The following GRIP1 variants were observed in gnomAD, a reference collection of about 807,000 sequenced individuals.
The protein encoded by GRIP1 is glutamate receptor interacting protein 1.
GRIP1 carries 45 observed loss-of-function variants against 129.9 expected under a neutral mutation model. The ratio of observed to expected loss-of-function variants is 0.35; its 90% CI spans 0.27 to 0.44. The LOEUF is 0.44. Ranked by LOEUF, GRIP1 falls within the 20% of genes least tolerant of loss-of-function variation. The pLI is 1.00. For synonymous variants in GRIP1, 530 were observed against 520.8 expected, an observed-to-expected ratio of 1.02 and a Z score of -0.24; for missense variants, 1,196 against 1,396.8, an observed-to-expected ratio of 0.86 and a Z score of 2.29.
chr12:66,655,631 A>G (rs192541318), intron 1 of GRIP1, among the ~76,000 whole-genome samples: 1,890 of 127,660 alleles, frequency 0.015, 38 homozygotes, highest in African/African-American at 0.053. Context: ...TTTTTTTGAG[A>G]CAGAGTCTCG....
chr12:66,486,744 G>A (rs559100088), intron 7 of GRIP1, among the ~76,000 whole-genome samples: 7 of 152,114 alleles, frequency 4.6e-5, no homozygotes, highest in African/African-American at 1.7e-4. Flanking sequence ...TTCATCAGCA[G>A]TGTGAAAACA....
chr12:66,456,094 A>C, intron 10 of GRIP1, 93 bp downstream of exon 10: 1 of 746,500 alleles, frequency 1.3e-6, no homozygotes, highest in South Asian at 1.5e-5. Flanking sequence ...AAACAGAAAA[A>C]ACAACATCCA....
intron 1 of GRIP1, among the ~76,000 whole-genome samples, chr12:66,691,388 A>G (rs2034977480): frequency 6.6e-6 from 1 of 152,216 alleles, no homozygotes; most frequent in African/African-American, 2.4e-5. Flanking sequence ...TCTTCCATAA[A>G]GCAAAGGGAA....
At chr12:66,874,553 C>T (rs567403801) in intron 1 of GRIP1, among the ~76,000 whole-genome samples, 204 of 152,124 alleles carry the variant, frequency 1.3e-3, no homozygotes, top group African/African-American at 4.7e-3. Flanking sequence ...AGCATAGCAG[C>T]TTCTGCTTCT....
intron 1 of GRIP1, among the ~76,000 whole-genome samples, chr12:66,981,516 T>C (rs1378406291): frequency 1.3e-5 from 2 of 152,214 alleles, no homozygotes; most frequent in Non-Finnish European, 2.9e-5. Flanking sequence ...AGATAGATTA[T>C]TCAGTGTAAT....
chr12:66,882,753 T>C (rs1555248578), intron 1 of GRIP1, among the ~76,000 whole-genome samples: 1 of 152,238 alleles, frequency 6.6e-6, no homozygotes, highest in Non-Finnish European at 1.5e-5. Context: ...TTTCATATTT[T>C]GCTTTTCAGT....
intron 1 of GRIP1, among the ~76,000 whole-genome samples, chr12:67,017,312 C>T (rs868676745): frequency 6.7e-6 from 1 of 149,718 alleles, no homozygotes; most frequent in African/African-American, 2.5e-5. Context: ...CTCGGTGGCC[C>T]CTTTTACTCT....
chr12:66,411,816 A>G (rs2057413498), intron 15 of GRIP1, among the ~76,000 whole-genome samples: 1 of 152,258 alleles, frequency 6.6e-6, no homozygotes, highest in Non-Finnish European at 1.5e-5. Context: ...AAAACACAAC[A>G]TGATAACTTC....
intron 14 of GRIP1, among the ~76,000 whole-genome samples, chr12:66,431,716 C>T (rs959449921): frequency 6.6e-6 from 1 of 152,162 alleles, no homozygotes; most frequent in Non-Finnish European, 1.5e-5. Context: ...ACATTTGCTT[C>T]ATTTTCTTGG....
At chr12:66,709,403 T>C (rs1436240042) in intron 1 of GRIP1, among the ~76,000 whole-genome samples, 6 of 151,982 alleles carry the variant, frequency 3.9e-5, no homozygotes, top group Non-Finnish European at 7.4e-5. Context: ...GAATCCCTTA[T>C]CCATGGGTTC....
At chr12:66,967,373 T>C (rs1413133679) in intron 1 of GRIP1, among the ~76,000 whole-genome samples, 3 of 152,136 alleles carry the variant, frequency 2.0e-5, no homozygotes, top group African/African-American at 4.8e-5. Flanking sequence ...TACTATGCAA[T>C]AGAACATTAG....
intron 2 of GRIP1, among the ~76,000 whole-genome samples, chr12:66,550,080 T>TA (rs2062075240): frequency 6.6e-6 from 1 of 152,200 alleles, no homozygotes; most frequent in South Asian, 2.1e-4. Flanking sequence ...TCCCTGCTTT[T>TA]AAAATATGGC....
intron 1 of GRIP1, among the ~76,000 whole-genome samples, chr12:66,853,471 G>T (rs888608679): frequency 6.6e-6 from 1 of 151,404 alleles, no homozygotes; most frequent in African/African-American, 2.4e-5. Context: ...ATAATCAAAA[G>T]CTCAAGTATC....
intron 1 of GRIP1, among the ~76,000 whole-genome samples, chr12:66,930,986 T>C (rs899713887): frequency 6.6e-6 from 1 of 152,148 alleles, no homozygotes. Flanking sequence ...CTCTCCTAAC[T>C]CATCAAAGAG....
intron 1 of GRIP1, among the ~76,000 whole-genome samples, chr12:66,697,081 C>A (rs1238364444): frequency 6.6e-6 from 1 of 151,740 alleles, no homozygotes; most frequent in Non-Finnish European, 1.5e-5. Context: ...ATAGCAGGTG[C>A]TTTATAAACA....
rs571725100 is a variant in GRIP1 at position 66,422,138 on chromosome 12, C to A, written c.1769-1349G>T. 3.5e-4 allele frequency among the ~76,000 whole-genome samples: 53 copies of A among 152,168 alleles called. No individual in the cohort carries two copies. In the South Asian group the frequency reaches 7.1e-3, roughly 20 times the overall value. Reference sequence around the variant, plus strand: ...TAGAGCCATATCATATCCCATAATCCCATCTGAATCCCAGGAAAATGTTTA... The same window carrying A: ...TAGAGCCATATCATATCCCATAATCACATCTGAATCCCAGGAAAATGTTTA... On this transcript the variant is annotated intron_variant, in intron 14 of 24. Transcript: ENST00000359742.
At chr12:67,023,790 C>T (rs111812105) in intron 1 of GRIP1, among the ~76,000 whole-genome samples, 2,953 of 152,234 alleles carry the variant, frequency 0.019, 33 homozygotes, top group Non-Finnish European at 0.028. Flanking sequence ...CAGGCTCCAG[C>T]GGACCAGGAA....
chr12:66,689,513 AT>A (rs2034902529), intron 1 of GRIP1, among the ~76,000 whole-genome samples: 1 of 152,176 alleles, frequency 6.6e-6, no homozygotes, highest in South Asian at 2.1e-4. Flanking sequence ...CAGGAGAAAC[AT>A]TTTTACCTAG....
intron 1 of GRIP1, among the ~76,000 whole-genome samples, chr12:66,652,511 G>A (rs2032873081): frequency 6.6e-6 from 1 of 152,140 alleles, no homozygotes; most frequent in Admixed American, 6.5e-5. Context: ...ACTAATACAG[G>A]GAGAAAACAA....
Sources: gnomAD v4.1 joint callset for allele counts (sites outside exome capture counted in the v4.1 genomes callset) on GRCh38, gnomAD v4.1.1 for gene constraint, MANE v1.5 for transcripts, NCBI Gene and HGNC (gene_info 2026-07-23, HGNC 2026-07-21) for gene names.